Variants in KCNMA1 observed in about 807,000 individuals in gnomAD.
KCNMA1 encodes the protein potassium calcium-activated channel subfamily M alpha 1.
KCNMA1 carries 29 observed loss-of-function variants against 140.0 expected under a neutral mutation model. The observed-to-expected ratio is 0.21, with a 90% CI of 0.15 to 0.28. KCNMA1 has a LOEUF of 0.28. KCNMA1 is among the 10% of genes least tolerant of loss of function. The probability of loss-of-function intolerance (pLI) is 1.00; values close to 1 mark genes in which losing one functional copy is unlikely to be tolerated. For synonymous variants in KCNMA1, 612 were observed against 611.9 expected, an observed-to-expected ratio of 1.00 and a Z score of 0.00; for missense variants, 880 against 1,602.2, an observed-to-expected ratio of 0.55 and a Z score of 7.70.
intron 1 of KCNMA1, among the ~76,000 whole-genome samples, chr10:77,572,957 A>G (rs143864774): frequency 8.0e-4 from 122 of 152,176 alleles, no homozygotes; most frequent in African/African-American, 2.8e-3. Context: ...ACACACGACA[A>G]TTCAGACTAA....
intron 3 of KCNMA1, among the ~76,000 whole-genome samples, chr10:77,240,519 AAG>A (rs1443940519): frequency 1.3e-5 from 2 of 152,326 alleles, no homozygotes; most frequent in Admixed American, 1.3e-4. Context: ...CAAGACCAGA[AAG>A]AGAGACAGTT....
At chr10:77,225,029 T>C (rs2154194603) in intron 3 of KCNMA1, among the ~76,000 whole-genome samples, 1 of 152,280 alleles carries the variant, frequency 6.6e-6, no homozygotes. Flanking sequence ...GCACAGAGCA[T>C]GGTGCAGAAA....
At chr10:77,435,100 A>AT (rs143895513) in intron 1 of KCNMA1, among the ~76,000 whole-genome samples, 19,422 of 148,920 alleles carry the variant, frequency 0.13, 1,277 homozygotes, top group Middle Eastern at 0.2. Context: ...ACACCTGGCT[A>AT]TTTTTTTTTT....
intron 15 of KCNMA1, among the ~76,000 whole-genome samples, chr10:77,034,289 T>C (rs2094167495): frequency 6.6e-6 from 1 of 151,048 alleles, no homozygotes; most frequent in Admixed American, 6.6e-5. Context: ...TCTCCATAAA[T>C]TCACTTAAAA....
intron 1 of KCNMA1, among the ~76,000 whole-genome samples, chr10:77,475,922 C>A (rs1019247507): frequency 6.6e-6 from 1 of 152,164 alleles, no homozygotes. Flanking sequence ...GTCCAGGGTT[C>A]TTTTTCATAG....
intron 1 of KCNMA1, among the ~76,000 whole-genome samples, chr10:77,435,917 T>G (rs1305714610): frequency 6.6e-6 from 1 of 152,202 alleles, no homozygotes; most frequent in Non-Finnish European, 1.5e-5. Context: ...GGATGAACCA[T>G]GGGACCCAGA....
chr10:77,354,068 C>T (rs967705539), intron 2 of KCNMA1, among the ~76,000 whole-genome samples: 3 of 152,076 alleles, frequency 2.0e-5, no homozygotes, highest in African/African-American at 7.2e-5. Context: ...CTAACTGCAA[C>T]CTCCGCCTCC....
intron 1 of KCNMA1, among the ~76,000 whole-genome samples, chr10:77,539,536 A>T (rs2059696252): frequency 6.6e-6 from 1 of 152,178 alleles, no homozygotes; most frequent in African/African-American, 2.4e-5. Flanking sequence ...TCAAGAATGA[A>T]CCCAGCTCTG....
At chr10:77,556,972 A>G (rs1393754801) in intron 1 of KCNMA1, among the ~76,000 whole-genome samples, 3 of 152,222 alleles carry the variant, frequency 2.0e-5, no homozygotes, top group Non-Finnish European at 4.4e-5. Context: ...AGCATGTATT[A>G]TATTGATGAT....
In KCNMA1 at chr10:76,946,537, T is replaced by C. The variant is rs553240133; in HGVS notation, c.2710-1572A>G. ...GATTCTATTCTCAGGCCCTAAAATA[T>C]TGTGCAACTATGGAGGAAGGGGCAT... On this transcript the variant is annotated intron_variant, in intron 22 of 27. Coordinates refer to ENST00000286628, the MANE Select transcript of KCNMA1 (RefSeq NM_001161352.2). Among the ~76,000 whole-genome samples, 5 of 152,274 alleles carry C rather than the reference T, an allele frequency of 3.3e-5. No homozygotes were observed. In the East Asian group the frequency reaches 7.7e-4, roughly 24 times the overall value.
chr10:77,530,837 C>T (rs2057422592), intron 1 of KCNMA1, among the ~76,000 whole-genome samples: 1 of 152,106 alleles, frequency 6.6e-6, no homozygotes, highest in Admixed American at 6.5e-5. Context: ...GAAATTGTCT[C>T]GATTTTTTCA....
chr10:77,073,092 G>A lies in KCNMA1; in HGVS notation c.1749+5C>T, dbSNP rs868280659. On this transcript the variant is annotated splice_donor_5th_base_variant and intron_variant, in intron 14 of 27. Coordinates refer to ENST00000286628, the MANE Select transcript of KCNMA1 (RefSeq NM_001161352.2). The stretch of plus-strand genomic sequence containing the variant: ...CTAATGTGCTCTAATAAGACGAGAC[G>A]TTACCTTTATGAATGACCTCATGGA... The A allele has an allele frequency of 3.1e-6, 5 of 1,613,678 alleles. No homozygotes were observed. The highest frequency in any genetic ancestry group is 2.2e-5 in the East Asian group (1 of 44,892).
At chr10:77,079,383 T>TGTGC (rs2096498318) in intron 13 of KCNMA1, 98 bp downstream of exon 13, 2 of 750,448 alleles carry the variant, frequency 2.7e-6, no homozygotes, top group African/African-American at 1.7e-5. Flanking sequence ...TGTGTGTGTG[T>TGTGC]GTGTGTGTGT....
chr10:76,889,778 G>T, intron 26 of KCNMA1: 1 of 607,674 alleles, frequency 1.6e-6, no homozygotes, highest in Non-Finnish European at 3.0e-6. Flanking sequence ...GGTAACAATG[G>T]GGTTTTCCTC....
chr10:77,116,862 A>G (rs2097484623), intron 6 of KCNMA1, among the ~76,000 whole-genome samples: 1 of 152,166 alleles, frequency 6.6e-6, no homozygotes, highest in African/African-American at 2.4e-5. Flanking sequence ...CTAAAATGTC[A>G]GTCTAACCAC....
intron 15 of KCNMA1, among the ~76,000 whole-genome samples, chr10:77,031,045 C>T (rs980713378): frequency 7.2e-5 from 11 of 152,088 alleles, no homozygotes; most frequent in African/African-American, 2.7e-4. Flanking sequence ...ACAAACTGAG[C>T]CCAAACAGAG....
intron 1 of KCNMA1, among the ~76,000 whole-genome samples, chr10:77,511,940 G>A (rs2048553530): frequency 6.6e-6 from 1 of 152,212 alleles, no homozygotes; most frequent in African/African-American, 2.4e-5. Flanking sequence ...GCAGATTTTA[G>A]AGAATGGAAC....
intron 1 of KCNMA1, among the ~76,000 whole-genome samples, chr10:77,572,054 A>G (rs2071587134): frequency 6.6e-6 from 1 of 152,224 alleles, no homozygotes; most frequent in African/African-American, 2.4e-5. Flanking sequence ...GTAAGAAGGT[A>G]GAACAAAGTG....
chr10:77,365,421 G>A (rs1016875176), intron 2 of KCNMA1, among the ~76,000 whole-genome samples: 35 of 152,178 alleles, frequency 2.3e-4, no homozygotes, highest in African/African-American at 7.0e-4. Context: ...ATAGACGATG[G>A]CTAAAGCAGG....
Sources: allele counts gnomAD v4.1 joint callset (sites outside exome capture counted in the v4.1 genomes callset), GRCh38; gene constraint gnomAD v4.1.1; transcripts MANE v1.5; gene names NCBI Gene and HGNC (gene_info 2026-07-23, HGNC 2026-07-21).